RFX6: variants seen among roughly 807,000 people sequenced by gnomAD.
The protein encoded by RFX6 is regulatory factor X6, also known as DNA-binding protein RFX6.
RFX6 carries 50 observed loss-of-function variants against 110.8 expected under a neutral mutation model. The ratio of observed to expected loss-of-function variants is 0.45; its 90% confidence interval spans 0.36 to 0.57. The LOEUF is 0.57. Among genes scored for constraint, RFX6 ranks in the 20% least tolerant of loss-of-function variants. RFX6 has a pLI of 0.00. For synonymous variants in RFX6, 383 were observed against 411.2 expected (o/e 0.93, Z 0.83); for missense variants, 990 against 1,127.0 (o/e 0.88, Z 1.74).
chr6:116,923,901 C>T (rs1775655957), intron 14 of RFX6, among the ~76,000 whole-genome samples: 1 of 152,122 alleles, frequency 6.6e-6, no homozygotes, highest in African/African-American at 2.4e-5. Context: ...TTGGTAGCTG[C>T]ATTTCAGGAA....
At chr6:116,881,852 G>A (rs1774596662) in intron 3 of RFX6, among the ~76,000 whole-genome samples, 1 of 151,980 alleles carries the variant, frequency 6.6e-6, no homozygotes, top group Non-Finnish European at 1.5e-5. Flanking sequence ...GGTTAAAATT[G>A]TTTTATGTAG....
At chr6:116,923,383 G>T in intron 14 of RFX6, 159 bp downstream of exon 14, 1 of 636,138 alleles carries the variant, frequency 1.6e-6, no homozygotes, top group South Asian at 1.8e-5. Flanking sequence ...CTGGGTTTTG[G>T]AGTCAGACCA....
intron 7 of RFX6, among the ~76,000 whole-genome samples, chr6:116,913,218 T>A (rs1775392274): frequency 6.6e-6 from 1 of 152,058 alleles, no homozygotes; most frequent in African/African-American, 2.4e-5. Context: ...CCTGCCGACA[T>A]GCCTGGCTAA....
intron 4 of RFX6, among the ~76,000 whole-genome samples, chr6:116,893,294 AAG>A (rs1160297091): frequency 6.6e-6 from 1 of 152,164 alleles, no homozygotes; most frequent in Non-Finnish European, 1.5e-5. Context: ...GTAATATGTC[AAG>A]AGTTTGTGAC....
intron 6 of RFX6, among the ~76,000 whole-genome samples, chr6:116,898,093 C>T (rs1774989444): frequency 6.6e-6 from 1 of 152,020 alleles, no homozygotes; most frequent in African/African-American, 2.4e-5. Flanking sequence ...TCACAGGATT[C>T]AGGATGAAAA....
intron 12 of RFX6, among the ~76,000 whole-genome samples, chr6:116,921,261 G>A (rs906960660): frequency 2.0e-5 from 3 of 152,102 alleles, no homozygotes; most frequent in African/African-American, 7.2e-5. Context: ...TTAATAAAAG[G>A]ATAGTCTTAA....
intron 15 of RFX6, 94 bp from the exon 16 acceptor site, chr6:116,925,359 A>G: frequency 9.3e-7 from 1 of 1,074,138 alleles, no homozygotes; most frequent in Non-Finnish European, 1.5e-6. Flanking sequence ...TAAATACTCA[A>G]CAATGAAACA....
At chr6:116,915,791 C>T (rs1273705907) in intron 7 of RFX6, among the ~76,000 whole-genome samples, 1 of 151,864 alleles carries the variant, frequency 6.6e-6, no homozygotes, top group Non-Finnish European at 1.5e-5. Context: ...TTACCTTTTT[C>T]ATATTATACT....
intron 8 of RFX6, 43 bp downstream of exon 8, chr6:116,916,128 A>G: frequency 6.5e-7 from 1 of 1,548,614 alleles, no homozygotes; most frequent in Non-Finnish European, 8.9e-7. Flanking sequence ...TATTATATAT[A>G]CTTTCATGTT....
At position 116,925,583 on chromosome 6, in the gene RFX6, A is replaced by T. The variant is rs749467964; in HGVS notation, c.1809A>T (p.Pro603=). The T allele has an allele frequency of 4.5e-5, 72 of 1,613,916 alleles. No homozygotes were observed. The highest frequency in any genetic ancestry group is 1.2e-4 in the Admixed American group (7 of 60,020). ...TGGAGACAACCTATCTCCCTCTGCC[A>T]TCCAGTCAACCTGGAGGCCTAGGCC... The part of the protein sequence containing the change: ...SHVETTYLPL[P]SSQPGGLGPA... The change falls in exon 16 of 19, where the codon CCA becomes CCT. Residue 603 remains proline (P), a synonymous_variant. Transcript: ENST00000332958.
Position 116,894,004 on chromosome 6 carries a change from T to C in RFX6, c.584T>C (p.Ile195Thr), listed in dbSNP as rs748221120. 2.5e-6 allele frequency: 4 copies of C among 1,599,650 alleles called. No individual in the cohort carries two copies. Among genetic ancestry groups the C allele is most frequent in the Non-Finnish European group, 3.4e-6 (4 of 1,166,926 alleles). The change falls in exon 5 of 19, where the codon ATT (isoleucine) becomes ACT (threonine). Residue 195 changes from isoleucine (I) to threonine (T), a missense_variant. Ile to Thr is a moderately conservative substitution (Grantham distance 89). Coordinates refer to ENST00000332958, the MANE Select transcript of RFX6 (RefSeq NM_173560.4). ...RGHSKYHYYG[I>T]GIKESSAYYH... ...TGCTCTAGGTATCATTACTATGGGATTGGCATCAAAGAGAGCAGTGCATAT... is the reference window on the plus strand; with the variant it reads ...TGCTCTAGGTATCATTACTATGGGACTGGCATCAAAGAGAGCAGTGCATAT...
intron 5 of RFX6, among the ~76,000 whole-genome samples, chr6:116,894,954 C>A (rs1027721277): frequency 2.6e-5 from 4 of 152,060 alleles, no homozygotes; most frequent in African/African-American, 9.7e-5. Context: ...TGTCTCAAAT[C>A]TCACCTGGCT....
intron 18 of RFX6, 69 bp downstream of exon 18, chr6:116,929,040 G>A: frequency 1.0e-6 from 1 of 975,614 alleles, no homozygotes; most frequent in South Asian, 1.3e-5. Flanking sequence ...AACATTACTT[G>A]AGGGAGATAT....
intron 7 of RFX6, among the ~76,000 whole-genome samples, chr6:116,913,262 A>G (rs559498137): frequency 3.3e-5 from 5 of 152,142 alleles, no homozygotes; most frequent in South Asian, 2.1e-4. Flanking sequence ...GGATTTCCCT[A>G]TGCTGGCCAG....
intron 5 of RFX6, among the ~76,000 whole-genome samples, chr6:116,894,612 T>C (rs1582516437): frequency 6.6e-6 from 1 of 152,088 alleles, no homozygotes; most frequent in Non-Finnish European, 1.5e-5. Flanking sequence ...CACTGTTAAC[T>C]ATCATGGGGA....
Position 116,927,055 on chromosome 6 carries a change from T to C in RFX6, c.1914T>C (p.Gly638=), listed in dbSNP as rs611349. 0.22 allele frequency: 349,508 copies of C among 1,613,202 alleles called. 42,485 individuals carry two copies. The highest frequency in any genetic ancestry group is 0.41 in the South Asian group (37,423 of 91,060). The part of the protein sequence containing the change: ...TGQMELSQIA[G]HLMTPPISPA... ...AAATGGAGCTTTCACAGATTGCTGG[T>C]CATCTGATGACACCACCCATTTCTC... The change falls in exon 17 of 19, where the codon GGT becomes GGC. Residue 638 remains glycine, a synonymous_variant. Transcript: ENST00000332958.
intron 6 of RFX6, among the ~76,000 whole-genome samples, chr6:116,900,737 C>T (rs1195661990): frequency 6.6e-6 from 1 of 151,658 alleles, no homozygotes; most frequent in African/African-American, 2.4e-5. Flanking sequence ...CTATATGTAA[C>T]CTAAATGACT....
In RFX6 at chr6:116,920,257, T is replaced by C. The variant is rs999821466; in HGVS notation, c.1183-53T>C. 46 of 1,437,362 alleles carry C rather than the reference T, an allele frequency of 3.2e-5. No individual in the cohort carries two copies. In the Admixed American group the frequency reaches 7.4e-4, roughly 23 times the overall value. The allele number at this position is 1,437,362 out of a possible 1,614,324, so 89.0% of individuals were successfully genotyped here. ...TTTTCTGATAGCTAAAAATTTCTTC[T>C]AGATACATTAGAAATGATATAGTGT... On this transcript the variant is annotated intron_variant, in intron 11 of 18. Coordinates refer to ENST00000332958, the MANE Select transcript of RFX6 (RefSeq NM_173560.4).
rs1159438279 is a variant in RFX6 at position 116,932,156 on chromosome 6, T to C, written c.*650T>C. The C allele has an allele frequency of 6.6e-6, 1 of 152,622 alleles. No individual in the cohort carries two copies. Among genetic ancestry groups the C allele is most frequent in the Non-Finnish European group, 1.5e-5 (1 of 68,082 alleles). 9.5% of individuals were successfully genotyped at this position (152,622 alleles called of 1,614,324 possible). A position where few individuals can be genotyped will look rare whatever the true frequency, so the allele number is the denominator to read the frequency against. On this transcript the variant is annotated 3_prime_UTR_variant, in exon 19 of 19. Transcript: ENST00000332958. ...TAAAAGGAATAAAAGAAATAATGTA[T>C]GGAAATATTTTTAAAGGCTTGGTGC...
Sources: allele counts gnomAD v4.1 joint callset (sites outside exome capture counted in the v4.1 genomes callset), GRCh38; gene constraint gnomAD v4.1.1; transcripts MANE v1.5; gene names NCBI Gene and HGNC (gene_info 2026-07-23, HGNC 2026-07-21).